Variants in WSCD2 observed in about 807,000 individuals in gnomAD.
WSCD2 encodes sialate:O-sulfotransferase 2.
Under a neutral mutation model 55.7 loss-of-function variants are expected in WSCD2, and 28 were observed. The ratio of observed to expected loss-of-function variants is 0.50; its 90% CI spans 0.37 to 0.69. The LOEUF (loss-of-function observed/expected upper bound fraction) is 0.69, where lower values mean the gene tolerates loss of function less well. WSCD2 is among the 30% of genes least tolerant of loss of function. The pLI, the probability that WSCD2 is intolerant of heterozygous loss-of-function variation, is 0.00. For synonymous variants in WSCD2, 301 were observed against 301.9 expected (o/e 1.00, Z 0.03); for missense variants, 616 against 762.1 (o/e 0.81, Z 2.26).
intron 1 of WSCD2, among the ~76,000 whole-genome samples, chr12:108,175,932 T>A (rs1026744835): frequency 1.3e-5 from 2 of 152,080 alleles, no homozygotes; most frequent in Non-Finnish European, 2.9e-5. Context: ...CTCCGCCTCC[T>A]GGGTTCATGC....
intron 4 of WSCD2, among the ~76,000 whole-genome samples, chr12:108,212,590 TTCTC>T (rs111941873): frequency 0.03 from 3,603 of 118,398 alleles, 157 homozygotes; most frequent in African/African-American, 0.11. Flanking sequence ...CCACCCCCAT[TTCTC>T]TCTCTCTCTC....
intron 4 of WSCD2, among the ~76,000 whole-genome samples, chr12:108,219,336 G>T (rs1887209060): frequency 6.6e-6 from 1 of 152,186 alleles, no homozygotes; most frequent in Non-Finnish European, 1.5e-5. Flanking sequence ...GATCACATTT[G>T]CATTCCCAGA....
At chr12:108,227,796 A>T (rs1231053924) in intron 6 of WSCD2, among the ~76,000 whole-genome samples, 1 of 151,994 alleles carries the variant, frequency 6.6e-6, no homozygotes, top group Non-Finnish European at 1.5e-5. Context: ...GATGGTGATG[A>T]TTATGACGAT....
In WSCD2 at chr12:108,196,073, G is replaced by A. The variant is rs961925489; in HGVS notation, c.241G>A (p.Glu81Lys). 4.3e-6 allele frequency: 7 copies of A among 1,614,074 alleles called. No individual in the cohort carries two copies. The African/African-American group carries it at 9.3e-5, about 22-fold the overall frequency. The part of the protein sequence containing the change: ...HLGRGFRDTG[E>K]ASSIARRYGP... The stretch of plus-strand genomic sequence containing the variant: ...GGGCAGAGGTTTCCGGGACACAGGT[G>A]AAGCCTCAAGCATTGCTCGCAGGTA... The change falls in exon 2 of 9, where the codon GAA becomes AAA. Residue 81 changes from glutamate to lysine, a missense_variant. Around this residue, in one of 3 missense-constraint regions of WSCD2, gnomAD observed 374 missense variants for 467.4 expected, o/e 0.80. Coordinates refer to ENST00000547525, the MANE Select transcript of WSCD2 (RefSeq NM_014653.4).
At chr12:108,240,193 A>G in intron 7 of WSCD2, 151 bp from the exon 8 acceptor site, 1 of 914,790 alleles carries the variant, frequency 1.1e-6, no homozygotes, top group Non-Finnish European at 1.7e-6. Flanking sequence ...GTCCTAGCAC[A>G]GTGCCTGGCA....
At chr12:108,232,635 T>G in intron 6 of WSCD2, 96 bp from the exon 7 acceptor site, 27 of 1,259,102 alleles carry the variant, frequency 2.1e-5, no homozygotes, top group African/African-American at 3.0e-5. Context: ...ATCACCTGGC[T>G]GAGAAGTGGC....
intron 1 of WSCD2, among the ~76,000 whole-genome samples, chr12:108,165,447 G>T (rs1879511372): frequency 6.6e-6 from 1 of 152,184 alleles, no homozygotes; most frequent in African/African-American, 2.4e-5. Context: ...TCCCAGGCTG[G>T]TCTTGAACTT....
chr12:108,223,598 T>TAA (rs946666152), intron 4 of WSCD2, among the ~76,000 whole-genome samples: 1 of 152,184 alleles, frequency 6.6e-6, no homozygotes, highest in African/African-American at 2.4e-5. Context: ...TCCCTATTGA[T>TAA]AAATCTTTGT....
At chr12:108,193,999 T>C (rs765103664) in intron 1 of WSCD2, among the ~76,000 whole-genome samples, 38 of 152,200 alleles carry the variant, frequency 2.5e-4, no homozygotes, top group Non-Finnish European at 5.1e-4. Flanking sequence ...GACTATGGAA[T>C]CTCAGGCGTT....
intron 7 of WSCD2, among the ~76,000 whole-genome samples, chr12:108,235,707 T>C (rs1889200893): frequency 6.6e-6 from 1 of 152,198 alleles, no homozygotes; most frequent in African/African-American, 2.4e-5. Flanking sequence ...GACTAGTTAC[T>C]GGATGTTTCC....
chr12:108,196,254 G>A, intron 2 of WSCD2, 40 bp downstream of exon 2: 1 of 1,555,874 alleles, frequency 6.4e-7, no homozygotes, highest in Non-Finnish European at 8.7e-7. Context: ...GGGCTGGGGA[G>A]AAGGGAGGAG....
Position 108,190,011 on chromosome 12 carries a change from AGATAT to A in WSCD2, c.-551-5265_-551-5261del, listed in dbSNP as rs570863626. ...TGTAGCATTTGCACCTAATACATAT[AGATAT>A]GATATATTTGTATATATTGACTTAT... On this transcript the variant is annotated intron_variant, in intron 1 of 8. Transcript: ENST00000547525. 1.1e-3 allele frequency among the ~76,000 whole-genome samples: 161 copies of A among 152,336 alleles called. 2 individuals carry two copies. Among genetic ancestry groups the A allele is most frequent in the African/African-American group, 3.7e-3 (152 of 41,576 alleles).
At chr12:108,215,004 A>T (rs1009098204) in intron 4 of WSCD2, among the ~76,000 whole-genome samples, 11 of 152,258 alleles carry the variant, frequency 7.2e-5, no homozygotes, top group Admixed American at 2.0e-4. Context: ...ATTAGGGGAC[A>T]GTCACATTTG....
In WSCD2 at chr12:108,249,096, A is replaced by T. The variant is rs1890283789; in HGVS notation, c.*753A>T. On this transcript the variant is annotated 3_prime_UTR_variant, in exon 9 of 9. Transcript: ENST00000547525. ...TCCAGGAGGTGACCTTGAGATCCTG[A>T]TACCACCTTCAAGGAACCTCAGGCA... The T allele has an allele frequency of 4.8e-6, 1 of 206,854 alleles. No individual in the cohort carries two copies. Among genetic ancestry groups the T allele is most frequent in the African/African-American group, 2.4e-5 (1 of 42,096 alleles). The allele number at this position is 206,854 out of a possible 1,614,324, so 12.8% of individuals were successfully genotyped here.
rs1211692229 is a variant in WSCD2 at position 108,248,248 on chromosome 12, A to T, written c.1603A>T (p.Met535Leu). ...CGAGTATGACCCCTATACTGCGGAC[A>T]TGCAGAAGACCATCTCTGCCTACAT... ...KLEYDPYTADMQKTISAYIKM... is the reference protein window; with the variant it reads ...KLEYDPYTADLQKTISAYIKM... Residue 535 changes from methionine (M) to leucine (L), a missense_variant, in exon 9 of 9, where the codon ATG becomes TTG. Around this residue, in one of 3 missense-constraint regions of WSCD2, gnomAD observed 234 missense variants for 264.6 expected, o/e 0.88. Coordinates refer to ENST00000547525, the MANE Select transcript of WSCD2 (RefSeq NM_014653.4). The surrounding 1 kb of genome is among the most constrained non-coding windows in gnomAD (Gnocchi z 4.3). The T allele has an allele frequency of 6.2e-7, 1 of 1,614,224 alleles. No homozygotes were observed. The highest frequency in any genetic ancestry group is 1.1e-5 in the South Asian group (1 of 91,082).
intron 1 of WSCD2, among the ~76,000 whole-genome samples, chr12:108,139,458 A>C (rs1365742320): frequency 6.6e-6 from 1 of 152,182 alleles, no homozygotes; most frequent in Admixed American, 6.5e-5. Flanking sequence ...GGAGGAGATT[A>C]GGGTCCAGAG....
intron 6 of WSCD2, among the ~76,000 whole-genome samples, chr12:108,230,999 A>G (rs886593641): frequency 1.3e-5 from 2 of 152,176 alleles, no homozygotes; most frequent in African/African-American, 4.8e-5. Context: ...CGAGGGAGCT[A>G]TTTGTTCCTG....
chr12:108,223,125 C>T (rs1887710286), intron 4 of WSCD2, among the ~76,000 whole-genome samples: 1 of 152,216 alleles, frequency 6.6e-6, no homozygotes, highest in African/African-American at 2.4e-5. Flanking sequence ...CCCACATTAT[C>T]AAGGGTCATT....
chr12:108,204,873 A>C (rs1471306533), intron 2 of WSCD2, among the ~76,000 whole-genome samples: 2 of 152,224 alleles, frequency 1.3e-5, no homozygotes, highest in African/African-American at 4.8e-5. Context: ...GAAGCAAGGA[A>C]AGAAGCTCAG....
Sources: gnomAD v4.1 joint callset for allele counts (sites outside exome capture counted in the v4.1 genomes callset) on GRCh38, gnomAD v4.1.1 for gene constraint, gnomAD v4.1.1 regional missense constraint, Gnocchi (gnomAD v3.1) non-coding constraint, MANE v1.5 for transcripts, NCBI Gene and HGNC (gene_info 2026-07-23, HGNC 2026-07-21) for gene names.